The following LARGE1 variants were observed in gnomAD, a reference collection of about 807,000 sequenced individuals.
LARGE1 encodes LARGE xylosyl- and glucuronyltransferase 1.
Under a neutral mutation model 87.6 loss-of-function variants are expected in LARGE1, and 43 were observed. The observed-to-expected ratio is 0.49, with a 90% CI of 0.38 to 0.63. The LOEUF (loss-of-function observed/expected upper bound fraction) is 0.63, where lower values mean the gene tolerates loss of function less well. Among genes scored for constraint, LARGE1 ranks in the 30% least tolerant of loss-of-function variants. LARGE1 has a pLI of 0.00. For synonymous variants in LARGE1, 434 were observed against 394.6 expected (o/e 1.10, Z -1.18); for missense variants, 802 against 1,000.2 (o/e 0.80, Z 2.67).
chr22:33,547,155 T>C (rs1183999006), intron 6 of LARGE1, among the ~76,000 whole-genome samples: 4 of 152,004 alleles, frequency 2.6e-5, no homozygotes, highest in African/African-American at 4.8e-5. Flanking sequence ...CTAAACTGTA[T>C]GTACAGCAGT....
At chr22:33,797,097 T>C (rs1162820295) in intron 1 of LARGE1, among the ~76,000 whole-genome samples, 2 of 152,010 alleles carry the variant, frequency 1.3e-5, no homozygotes, top group African/African-American at 4.8e-5. Context: ...TCTCCAAAGT[T>C]GTTAATTAAA....
At chr22:33,110,779 C>A in the LARGE1 span, 1 of 152,166 alleles carries the variant, frequency 6.6e-6, no homozygotes, top group Admixed American at 6.5e-5. Flanking sequence ...TACCATCTGG[C>A]AGGAGGTTTT....
intron 10 of LARGE1, among the ~76,000 whole-genome samples, chr22:33,320,103 C>T (rs1179129202): frequency 6.6e-6 from 1 of 152,182 alleles, no homozygotes; most frequent in Non-Finnish European, 1.5e-5. Flanking sequence ...ATTCTCATTC[C>T]ATCTAAGATC....
intron 6 of LARGE1, among the ~76,000 whole-genome samples, chr22:33,500,307 T>TCA (rs1056991270): frequency 1.3e-5 from 2 of 152,152 alleles, no homozygotes; most frequent in Admixed American, 1.3e-4. Context: ...AAAAGACCAT[T>TCA]CAATTTAAGC....
chr22:33,387,001 G>C (rs777618480), intron 7 of LARGE1, among the ~76,000 whole-genome samples: 2 of 148,568 alleles, frequency 1.3e-5, no homozygotes, highest in Non-Finnish European at 3.0e-5. Flanking sequence ...CTACTCAGGA[G>C]GCTGAGGCAG....
the LARGE1 span, among the ~76,000 whole-genome samples, chr22:33,138,709 G>A: frequency 6.6e-6 from 1 of 152,156 alleles, no homozygotes; most frequent in East Asian, 1.9e-4. Context: ...CTCCGAAACT[G>A]CTGGGATTGC....
At chr22:33,822,507 T>C (rs879858039) in intron 1 of LARGE1, among the ~76,000 whole-genome samples, 3 of 152,114 alleles carry the variant, frequency 2.0e-5, no homozygotes, top group Non-Finnish European at 4.4e-5. Flanking sequence ...GAGACCAGCC[T>C]GGCCAACATG....
At chr22:33,739,020 C>T (rs1461856071) in intron 2 of LARGE1, among the ~76,000 whole-genome samples, 4 of 150,466 alleles carry the variant, frequency 2.7e-5, no homozygotes, top group African/African-American at 7.4e-5. Context: ...GTGAAGAAAG[C>T]AAAGACAAAA....
chr22:33,176,977 A>G (rs1428736014), intron 11 of LARGE1, among the ~76,000 whole-genome samples: 3 of 152,226 alleles, frequency 2.0e-5, no homozygotes, highest in Middle Eastern at 3.2e-3. Context: ...CTATGCAGCC[A>G]TAAAAAAGGA....
At chr22:33,186,396 A>AAT in intron 11 of LARGE1, among the ~76,000 whole-genome samples, 1 of 152,296 alleles carries the variant, frequency 6.6e-6, no homozygotes, top group East Asian at 1.9e-4. Flanking sequence ...GAATAAGGAC[A>AAT]ATCAATTATG....
intron 1 of LARGE1, among the ~76,000 whole-genome samples, chr22:33,766,740 A>G (rs749920337): frequency 2.6e-5 from 4 of 151,826 alleles, no homozygotes; most frequent in Admixed American, 6.6e-5. Context: ...GTTAAGCTAC[A>G]AACACAGGAT....
chr22:33,620,778 G>C (rs183775808), intron 4 of LARGE1, among the ~76,000 whole-genome samples: 8 of 152,096 alleles, frequency 5.3e-5, no homozygotes, highest in Non-Finnish European at 7.4e-5. Flanking sequence ...TTAGCCGGGC[G>C]TGGTGGTGCA....
At chr22:33,738,437 C>CCTCAGATGG (rs1303542549) in intron 2 of LARGE1, among the ~76,000 whole-genome samples, 1 of 152,154 alleles carries the variant, frequency 6.6e-6, no homozygotes, top group South Asian at 2.1e-4. Context: ...CACTCAGGGG[C>CCTCAGATGG]CTCAGATGGC....
At chr22:33,169,422 A>T (rs1602037019) in intron 11 of LARGE1, among the ~76,000 whole-genome samples, 1 of 152,306 alleles carries the variant, frequency 6.6e-6, no homozygotes, top group South Asian at 2.1e-4. Context: ...TAACATGCAT[A>T]TACCAGACAT....
chr22:33,221,991 C>T (rs950417590), intron 11 of LARGE1, among the ~76,000 whole-genome samples: 13 of 152,182 alleles, frequency 8.5e-5, no homozygotes, highest in African/African-American at 1.7e-4. Context: ...GCTTGTTCCA[C>T]TTAATTCTGC....
intron 6 of LARGE1, among the ~76,000 whole-genome samples, chr22:33,520,262 T>TG (rs1206328267): frequency 4.6e-5 from 7 of 152,106 alleles, no homozygotes; most frequent in African/African-American, 7.2e-5. Context: ...TCTGTACTGA[T>TG]GGGGGGTCTC....
the LARGE1 span, among the ~76,000 whole-genome samples, chr22:33,133,317 T>C: frequency 1.3e-5 from 2 of 152,174 alleles, no homozygotes; most frequent in Non-Finnish European, 2.9e-5. Flanking sequence ...TCTCCTAATG[T>C]TATCCCTCCC....
At chr22:33,289,978 C>T (rs1932240640) in intron 12 of LARGE1, among the ~76,000 whole-genome samples, 1 of 152,010 alleles carries the variant, frequency 6.6e-6, no homozygotes, top group Non-Finnish European at 1.5e-5. Context: ...CTTCCTATGC[C>T]AAATGAAGGG....
chr22:33,334,152 C>T (rs562192217), intron 10 of LARGE1, among the ~76,000 whole-genome samples: 1 of 151,208 alleles, frequency 6.6e-6, no homozygotes, highest in Admixed American at 6.6e-5. Flanking sequence ...GTGGCTCATG[C>T]CTGTAATCCC....
Sources: gnomAD v4.1 joint callset for allele counts (sites outside exome capture counted in the v4.1 genomes callset) on GRCh38, gnomAD v4.1.1 for gene constraint, MANE v1.5 for transcripts, NCBI Gene and HGNC (gene_info 2026-07-23, HGNC 2026-07-21) for gene names.